Variants in CCSER1 observed in about 807,000 individuals in gnomAD.
CCSER1 encodes coiled-coil serine rich protein 1, also known as serine-rich coiled-coil domain-containing protein 1.
A neutral mutation model predicts 82.0 loss-of-function variants in CCSER1; 41 were observed. That is an observed-to-expected ratio of 0.50 (90% confidence interval 0.39 to 0.65). The LOEUF is 0.65. Among genes scored for constraint, CCSER1 ranks in the 30% least tolerant of loss-of-function variants. The pLI, the probability that CCSER1 is intolerant of heterozygous loss-of-function variation, is 0.00. For missense variants in CCSER1, 1,119 were observed against 1,064.2 expected, an observed-to-expected ratio of 1.05 and a Z score of -0.72; for synonymous variants, 414 against 383.9, an observed-to-expected ratio of 1.08 and a Z score of -0.92.
intron 7 of CCSER1, among the ~76,000 whole-genome samples, chr4:90,732,461 A>G (rs1744927152): frequency 6.6e-6 from 1 of 152,168 alleles, no homozygotes; most frequent in East Asian, 1.9e-4. Context: ...AAAGGATTTT[A>G]CTGGGGGCTT....
intron 4 of CCSER1, among the ~76,000 whole-genome samples, chr4:90,416,583 G>A (rs753232222): frequency 3.3e-5 from 5 of 152,124 alleles, no homozygotes; most frequent in Non-Finnish European, 7.4e-5. Context: ...TAGGGTAAGA[G>A]CCCAGTACAA....
intron 8 of CCSER1, among the ~76,000 whole-genome samples, chr4:90,900,117 T>C: frequency 6.8e-6 from 1 of 146,548 alleles, no homozygotes; most frequent in Admixed American, 6.9e-5. Context: ...TTTTTGTAGA[T>C]ATTTTTATTA....
rs548947647 is a variant in CCSER1 at position 91,533,476 on chromosome 4, T to C, written c.2218-65096T>C. ...AGGGGAGGGGAATAGGGTATGGAAGTTGATTACGGTAGTTGAAATATGGAT... is the reference window on the plus strand; with the variant it reads ...AGGGGAGGGGAATAGGGTATGGAAGCTGATTACGGTAGTTGAAATATGGAT... On this transcript the variant is annotated intron_variant, in intron 10 of 10. Coordinates refer to ENST00000509176, the MANE Select transcript of CCSER1 (RefSeq NM_001145065.2). Among the ~76,000 whole-genome samples the C allele has an allele frequency of 6.6e-5, 10 of 152,296 alleles. No individual in the cohort carries two copies. The East Asian group carries it at 1.7e-3, about 26-fold the overall frequency.
intron 8 of CCSER1, among the ~76,000 whole-genome samples, chr4:90,838,569 A>G (rs1003999447): frequency 1.3e-5 from 2 of 151,644 alleles, no homozygotes; most frequent in African/African-American, 4.8e-5. Context: ...CAAAAAAAAA[A>G]TGGCACTCTG....
rs1560878994 is a variant in CCSER1 at position 90,648,274 on chromosome 4, G to GAGAAAGAAAGGAAAGAAAGAA, written c.1932+20053_1932+20073dup. On this transcript the variant is annotated intron_variant, in intron 6 of 10. Transcript: ENST00000509176. ...GAAAAAAAGAAGAAAGAAAGAGAGA[G>GAGAAAGAAAGGAAAGAAAGAA]AGAAAGAAAGGAAAGAAAGAAAGAA... Among the ~76,000 whole-genome samples the GAGAAAGAAAGGAAAGAAAGAA allele has an allele frequency of 1.2e-3, 120 of 100,750 alleles. 4 individuals carry two copies. The highest frequency in any genetic ancestry group is 4.1e-3 in the African/African-American group (112 of 27,038). The allele number at this position is 100,750 out of a possible 152,430, so 66.1% of individuals were successfully genotyped here.
intron 10 of CCSER1, among the ~76,000 whole-genome samples, chr4:91,089,805 G>A (rs751529671): frequency 2.6e-5 from 4 of 152,142 alleles, no homozygotes; most frequent in Admixed American, 6.5e-5. Context: ...ATGGGTACAT[G>A]TGCCAGTTTT....
chr4:90,330,193 A>C (rs867832444), intron 3 of CCSER1, among the ~76,000 whole-genome samples: 1 of 152,114 alleles, frequency 6.6e-6, no homozygotes, highest in Non-Finnish European at 1.5e-5. Flanking sequence ...TCTTTATTCT[A>C]TTGGAAGGAT....
intron 1 of CCSER1, among the ~76,000 whole-genome samples, chr4:90,152,675 G>T (rs572680790): frequency 6.6e-6 from 1 of 152,022 alleles, no homozygotes; most frequent in African/African-American, 2.4e-5. Context: ...CAGTTTGGCT[G>T]AGATAGAGAG....
At chr4:91,278,148 G>C (rs1240788938) in intron 10 of CCSER1, among the ~76,000 whole-genome samples, 1 of 152,072 alleles carries the variant, frequency 6.6e-6, no homozygotes, top group African/African-American at 2.4e-5. Context: ...CGTTTATTCT[G>C]CTGTTCTCAG....
chr4:90,484,432 G>A (rs1578727381), intron 5 of CCSER1, among the ~76,000 whole-genome samples: 1 of 152,256 alleles, frequency 6.6e-6, no homozygotes, highest in South Asian at 2.1e-4. Context: ...TGTTCCTTTG[G>A]AGGAGGAGAG....
At chr4:90,342,848 C>A (rs939943467) in intron 3 of CCSER1, among the ~76,000 whole-genome samples, 1 of 151,934 alleles carries the variant, frequency 6.6e-6, no homozygotes, top group African/African-American at 2.4e-5. Flanking sequence ...CTGATTATTC[C>A]TTTATTCTTA....
chr4:90,595,663 A>G (rs1028474408), intron 5 of CCSER1, among the ~76,000 whole-genome samples: 2 of 151,894 alleles, frequency 1.3e-5, no homozygotes, highest in Non-Finnish European at 2.9e-5. Context: ...TCATAGCTTA[A>G]AATATTATGT....
rs193137473 is a variant in CCSER1, at chr4:90,581,193, A to G, written c.1725-46832A>G. ...ACTAAATTATAGATTGTAATATCTC[A>G]AAATTACCCCATTAGCAATTATTAC... On this transcript the variant is annotated intron_variant, in intron 5 of 10. Transcript: ENST00000509176. 2.3e-3 allele frequency among the ~76,000 whole-genome samples: 347 copies of G among 152,232 alleles called. 2 individuals carry two copies. Among genetic ancestry groups the G allele is most frequent in the African/African-American group, 8.0e-3 (334 of 41,560 alleles).
At chr4:90,701,920 C>A (rs1738234678) in intron 6 of CCSER1, among the ~76,000 whole-genome samples, 1 of 152,164 alleles carries the variant, frequency 6.6e-6, no homozygotes, top group Non-Finnish European at 1.5e-5. Context: ...CATCTGTAAA[C>A]AGGGACAATT....
chr4:90,172,183 A>G (rs1206608735), intron 1 of CCSER1, among the ~76,000 whole-genome samples: 2 of 151,962 alleles, frequency 1.3e-5, no homozygotes, highest in South Asian at 2.1e-4. Context: ...GATGACTTCC[A>G]TTGTGAGTAT....
chr4:91,328,680 C>A (rs1746734410), intron 10 of CCSER1, among the ~76,000 whole-genome samples: 1 of 152,012 alleles, frequency 6.6e-6, no homozygotes, highest in Non-Finnish European at 1.5e-5. Context: ...TAAAGGGACC[C>A]TATAAAATAA....
chr4:91,327,266 T>G (rs1746636800), intron 10 of CCSER1, among the ~76,000 whole-genome samples: 1 of 152,138 alleles, frequency 6.6e-6, no homozygotes, highest in South Asian at 2.1e-4. Flanking sequence ...TCCTCTGAAA[T>G]GTAGGTGGAG....
chr4:90,164,548 A>G (rs1260141140), intron 1 of CCSER1, among the ~76,000 whole-genome samples: 2 of 152,142 alleles, frequency 1.3e-5, no homozygotes, highest in African/African-American at 4.8e-5. Context: ...TACATAAGAA[A>G]GGACACACAG....
intron 7 of CCSER1, among the ~76,000 whole-genome samples, chr4:90,778,074 A>G (rs952951820): frequency 6.6e-6 from 1 of 152,160 alleles, no homozygotes; most frequent in African/African-American, 2.4e-5. Context: ...AAGACTCAAT[A>G]CTGAATACAT....
Sources: allele counts gnomAD v4.1 joint callset (sites outside exome capture counted in the v4.1 genomes callset), GRCh38; gene constraint gnomAD v4.1.1; transcripts MANE v1.5; gene names NCBI Gene and HGNC (gene_info 2026-07-23, HGNC 2026-07-21).